The following POU6F2 variants were observed in gnomAD, a reference collection of about 807,000 sequenced individuals.
POU6F2 encodes the protein POU domain, class 6, transcription factor 2.
Under a neutral mutation model 71.3 loss-of-function variants are expected in POU6F2, and 31 were observed. The ratio of observed to expected loss-of-function variants is 0.43; its 90% CI spans 0.33 to 0.59. POU6F2 has a LOEUF of 0.59. Among genes scored for constraint, POU6F2 ranks in the 20% least tolerant of loss-of-function variants. POU6F2 has a pLI of 0.04. For synonymous variants in POU6F2, 347 were observed against 355.7 expected, an observed-to-expected ratio of 0.98 and a Z score of 0.27; for missense variants, 783 against 856.8, an observed-to-expected ratio of 0.91 and a Z score of 1.07.
chr7:38,987,219 T>G (rs1393391538), intron 1 of POU6F2, among the ~76,000 whole-genome samples: 2 of 152,124 alleles, frequency 1.3e-5, no homozygotes, highest in African/African-American at 2.4e-5. Context: ...TATTGAATAC[T>G]CAAACCAATT....
At chr7:39,003,277 A>G (rs1486199177) in intron 1 of POU6F2, among the ~76,000 whole-genome samples, 1 of 152,122 alleles carries the variant, frequency 6.6e-6, no homozygotes, top group East Asian at 1.9e-4. Context: ...CAAAATTTAA[A>G]TTCTAAAGTT....
intron 2 of POU6F2, among the ~76,000 whole-genome samples, chr7:39,160,005 G>T (rs115493567): frequency 6.6e-6 from 1 of 152,056 alleles, no homozygotes; most frequent in African/African-American, 2.4e-5. Flanking sequence ...TGAGAGGGCC[G>T]CTATCTTGAT....
At chr7:39,302,317 C>T (rs1473098208) in intron 4 of POU6F2, among the ~76,000 whole-genome samples, 1 of 152,148 alleles carries the variant, frequency 6.6e-6, no homozygotes, top group Non-Finnish European at 1.5e-5. Context: ...GGATCTAATA[C>T]CAAAAATGCA....
rs111884917 is a variant in POU6F2, at chr7:39,371,821, G to A, written c.972+31806G>A. ...GCTCATTGCTATAGCGCAGGAGCCA[G>A]CAGACATATTATGTAAAGGACCAGA... On this transcript the variant is annotated intron_variant, in intron 5 of 9. Transcript: ENST00000518318. Among the ~76,000 whole-genome samples the A allele has an allele frequency of 9.6e-3, 1,469 of 152,366 alleles. 10 individuals are homozygous for A. The highest frequency in any genetic ancestry group is 0.013 in the Non-Finnish European group (907 of 68,034).
intron 4 of POU6F2, among the ~76,000 whole-genome samples, chr7:39,228,337 C>G (rs1794511039): frequency 6.6e-6 from 1 of 152,096 alleles, no homozygotes; most frequent in Non-Finnish European, 1.5e-5. Context: ...CAGAGGATGG[C>G]CTATTGACGC....
intron 5 of POU6F2, among the ~76,000 whole-genome samples, chr7:39,348,830 C>T (rs1786080786): frequency 6.6e-6 from 1 of 152,106 alleles, no homozygotes; most frequent in Non-Finnish European, 1.5e-5. Flanking sequence ...CATGCTATAT[C>T]CTGTTCCTGT....
chr7:39,243,080 C>A (rs1267626283), intron 4 of POU6F2, among the ~76,000 whole-genome samples: 1 of 152,162 alleles, frequency 6.6e-6, no homozygotes, highest in Admixed American at 6.6e-5. Flanking sequence ...ATACCTATTT[C>A]ATAGTTCTGT....
At chr7:39,054,670 G>A (rs1790471102) in intron 1 of POU6F2, among the ~76,000 whole-genome samples, 1 of 151,554 alleles carries the variant, frequency 6.6e-6, no homozygotes, top group African/African-American at 2.4e-5. Context: ...TGCTTAAACA[G>A]ACACACAAAA....
intron 5 of POU6F2, among the ~76,000 whole-genome samples, chr7:39,363,838 G>A (rs1437660942): frequency 6.6e-6 from 1 of 152,082 alleles, no homozygotes; most frequent in Non-Finnish European, 1.5e-5. Context: ...AAGAGCTTCA[G>A]TGGAGCGGGA....
intron 2 of POU6F2, among the ~76,000 whole-genome samples, chr7:39,087,003 C>T (rs1033030736): frequency 6.7e-6 from 1 of 148,594 alleles, no homozygotes; most frequent in African/African-American, 2.5e-5. Context: ...ACTAACCTGA[C>T]ATATATATAT....
chr7:39,139,610 G>C (rs62442227), intron 2 of POU6F2, among the ~76,000 whole-genome samples: 8 of 152,074 alleles, frequency 5.3e-5, no homozygotes, highest in Admixed American at 1.3e-4. Context: ...GCCACGATTT[G>C]TGCTAGATTC....
chr7:39,454,438 C>T (rs1788735810), intron 8 of POU6F2, among the ~76,000 whole-genome samples: 1 of 151,638 alleles, frequency 6.6e-6, no homozygotes, highest in Non-Finnish European at 1.5e-5. Flanking sequence ...TGACCAGCCA[C>T]TATCATGAAG....
chr7:39,154,346 G>A (rs985406764), intron 2 of POU6F2, among the ~76,000 whole-genome samples: 2 of 151,968 alleles, frequency 1.3e-5, no homozygotes, highest in African/African-American at 2.4e-5. Flanking sequence ...AGCTCTCTTG[G>A]CCCCAGCGTG....
chr7:39,058,427 C>T (rs1790580065), intron 1 of POU6F2, among the ~76,000 whole-genome samples: 1 of 152,160 alleles, frequency 6.6e-6, no homozygotes, highest in East Asian at 1.9e-4. Context: ...GTCTCCTGCA[C>T]AGTGCAGAGG....
chr7:39,154,908 T>C (rs1286539600), intron 2 of POU6F2, among the ~76,000 whole-genome samples: 1 of 152,142 alleles, frequency 6.6e-6, no homozygotes, highest in African/African-American at 2.4e-5. Flanking sequence ...GTAAAATAGT[T>C]CAACATGTGC....
chr7:39,380,694 T>C (rs1432688946), intron 5 of POU6F2, among the ~76,000 whole-genome samples: 1 of 152,200 alleles, frequency 6.6e-6, no homozygotes, highest in African/African-American at 2.4e-5. Context: ...ATGATAAATA[T>C]CTGTACGGAG....
chr7:39,341,438 G>A (rs1785915574), intron 5 of POU6F2, among the ~76,000 whole-genome samples: 1 of 152,214 alleles, frequency 6.6e-6, no homozygotes, highest in East Asian at 1.9e-4. Context: ...GTCCAAAAAC[G>A]TCTTCATTGT....
intron 5 of POU6F2, among the ~76,000 whole-genome samples, chr7:39,353,379 T>C (rs1389013407): frequency 6.6e-6 from 1 of 152,270 alleles, no homozygotes; most frequent in African/African-American, 2.4e-5. Context: ...CTCCTTGCAC[T>C]AAAGGGTTAA....
chr7:39,453,686 A>G (rs1374922089), intron 8 of POU6F2, among the ~76,000 whole-genome samples: 1 of 152,222 alleles, frequency 6.6e-6, no homozygotes, highest in African/African-American at 2.4e-5. Flanking sequence ...TCAGAAATCA[A>G]TAACAGAGAT....
Sources: allele counts gnomAD v4.1 joint callset (sites outside exome capture counted in the v4.1 genomes callset), GRCh38; gene constraint gnomAD v4.1.1; transcripts MANE v1.5; gene names NCBI Gene and HGNC (gene_info 2026-07-23, HGNC 2026-07-21).